The following GAS7 variants were observed in gnomAD, a reference collection of about 807,000 sequenced individuals.
The protein encoded by GAS7 is growth arrest-specific protein 7.
GAS7 carries 28 observed loss-of-function variants against 71.1 expected under a neutral mutation model. The ratio of observed to expected loss-of-function variants is 0.39; its 90% CI spans 0.29 to 0.54. The LOEUF (loss-of-function observed/expected upper bound fraction) is 0.54, where lower values mean the gene tolerates loss of function less well. GAS7 is among the 20% of genes least tolerant of loss of function. The pLI is 0.62. For missense variants in GAS7, 436 were observed against 627.8 expected (o/e 0.69, Z 3.27); for synonymous variants, 258 against 245.8 (o/e 1.05, Z -0.46).
chr17:10,139,245 A>T (rs182143475), intron 1 of GAS7, among the ~76,000 whole-genome samples: 1 of 152,362 alleles, frequency 6.6e-6, no homozygotes, highest in East Asian at 1.9e-4. Flanking sequence ...ACCAATTTTA[A>T]AACATAACTA....
chr17:10,179,747 T>C (rs188194124), intron 1 of GAS7, among the ~76,000 whole-genome samples: 36 of 152,130 alleles, frequency 2.4e-4, no homozygotes, highest in Admixed American at 1.5e-3. Flanking sequence ...AGAACCAAGA[T>C]TGAAACTGAC....
chr17:9,942,271 A>C (rs1379473421), intron 7 of GAS7, among the ~76,000 whole-genome samples: 1 of 152,024 alleles, frequency 6.6e-6, no homozygotes. Context: ...AAAAAAAAAG[A>C]AATATTTTAA....
At chr17:10,036,988 G>C (rs908350481) in intron 1 of GAS7, among the ~76,000 whole-genome samples, 1 of 152,178 alleles carries the variant, frequency 6.6e-6, no homozygotes, top group Admixed American at 6.5e-5. Flanking sequence ...CACAGCTCTG[G>C]TCCTGGCCCC....
At chr17:10,083,983 T>C (rs910515183) in intron 1 of GAS7, among the ~76,000 whole-genome samples, 1 of 152,162 alleles carries the variant, frequency 6.6e-6, no homozygotes, top group East Asian at 1.9e-4. Context: ...ATTTAAGCTG[T>C]CTTCGGCCTG....
intron 2 of GAS7, among the ~76,000 whole-genome samples, chr17:10,012,514 C>G (rs915286103): frequency 1.3e-5 from 2 of 152,042 alleles, no homozygotes; most frequent in Non-Finnish European, 2.9e-5. Flanking sequence ...TCTTGAGCTC[C>G]TGGGCTCAAG....
chr17:9,917,560 C>T (rs1210682028), intron 13 of GAS7, among the ~76,000 whole-genome samples: 2 of 152,190 alleles, frequency 1.3e-5, no homozygotes, highest in Non-Finnish European at 2.9e-5. Flanking sequence ...CCCTGCAGAC[C>T]CCAGGCCTGG....
At chr17:10,161,961 G>GGA (rs2074259665) in intron 1 of GAS7, among the ~76,000 whole-genome samples, 1 of 151,696 alleles carries the variant, frequency 6.6e-6, no homozygotes, top group Non-Finnish European at 1.5e-5. Flanking sequence ...CAGCTACTCA[G>GGA]GAGGCTGAGG....
chr17:10,196,183 G>T (rs1052493909), intron 1 of GAS7, among the ~76,000 whole-genome samples: 3 of 152,204 alleles, frequency 2.0e-5, no homozygotes, highest in Non-Finnish European at 2.9e-5. Flanking sequence ...GCATAGTTGA[G>T]CCCGGGCTAT....
chr17:9,924,626 C>T (rs567862076), intron 11 of GAS7: 3 of 148,626 alleles, frequency 2.0e-5, no homozygotes, highest in Non-Finnish European at 4.4e-5. Flanking sequence ...AAACGTTATC[C>T]TTCTATTACA....
At chr17:10,065,840 A>T (rs1256048226) in intron 1 of GAS7, among the ~76,000 whole-genome samples, 1 of 152,138 alleles carries the variant, frequency 6.6e-6, no homozygotes, top group East Asian at 1.9e-4. Context: ...CCTGGCTGGG[A>T]CCTCTGGGGC....
In GAS7 at chr17:10,026,038, T is replaced by A. The variant is rs2072451436; in HGVS notation, c.184-6141A>T. The A allele has an allele frequency of 3.3e-6, 1 of 306,178 alleles. No homozygotes were observed. The highest frequency in any genetic ancestry group is 1.3e-4 in the South Asian group (1 of 7,832). The allele number at this position is 306,178 out of a possible 1,614,324, so 19.0% of individuals were successfully genotyped here. On this transcript the variant is annotated intron_variant, in intron 1 of 13. Transcript: ENST00000432992. The surrounding 1 kb of genome is among the most constrained non-coding windows in gnomAD (Gnocchi z 4.5). Reference sequence around the variant, plus strand: ...CTCCAGGCAGTACAGACCCTGCTACTCCGCTCCCTACCGCTCCCACCATGC... The same window carrying A: ...CTCCAGGCAGTACAGACCCTGCTACACCGCTCCCTACCGCTCCCACCATGC...
intron 2 of GAS7, among the ~76,000 whole-genome samples, chr17:9,983,254 G>A (rs1161459040): frequency 6.6e-6 from 1 of 152,170 alleles, no homozygotes; most frequent in African/African-American, 2.4e-5. Context: ...CTTTTGGGAG[G>A]CTGAGGTGGG....
chr17:10,047,139 AG>A (rs2072987867), intron 1 of GAS7, among the ~76,000 whole-genome samples: 1 of 152,192 alleles, frequency 6.6e-6, no homozygotes, highest in African/African-American at 2.4e-5. Flanking sequence ...ACAAGAGAGC[AG>A]GAAGTGCAGG....
intron 2 of GAS7, among the ~76,000 whole-genome samples, chr17:10,001,985 T>C (rs2071284117): frequency 6.6e-6 from 1 of 152,114 alleles, no homozygotes; most frequent in South Asian, 2.1e-4. Flanking sequence ...TATTGAAATG[T>C]AGGGGACAGA....
intron 1 of GAS7, among the ~76,000 whole-genome samples, chr17:10,113,389 T>C (rs1432556669): frequency 6.6e-6 from 1 of 152,116 alleles, no homozygotes; most frequent in Middle Eastern, 3.2e-3. Context: ...TACGAGGCTA[T>C]CCACAGCAGC....
intron 2 of GAS7, among the ~76,000 whole-genome samples, chr17:9,996,338 A>C (rs989802686): frequency 1.3e-5 from 2 of 149,520 alleles, no homozygotes; most frequent in Non-Finnish European, 3.0e-5. Flanking sequence ...ACCAAACACC[A>C]CATGTTCTCA....
At chr17:9,983,181 A>T (rs1260786180) in intron 2 of GAS7, among the ~76,000 whole-genome samples, 1 of 152,090 alleles carries the variant, frequency 6.6e-6, no homozygotes, top group East Asian at 1.9e-4. Context: ...TTATGTATAA[A>T]TTTTTGTGAA....
At chr17:10,033,086 G>A (rs934399671) in intron 1 of GAS7, among the ~76,000 whole-genome samples, 9 of 152,046 alleles carry the variant, frequency 5.9e-5, no homozygotes, top group Admixed American at 1.3e-4. Context: ...TTTTCTCTTC[G>A]TCCTAAAGAT....
chr17:9,934,123 C>T (rs1425255135), intron 9 of GAS7, 43 bp downstream of exon 9: 1 of 1,227,982 alleles, frequency 8.1e-7, no homozygotes, highest in East Asian at 2.3e-5. Context: ...TTTAGTACCC[C>T]AGTGTGTAAG....
Sources: allele counts gnomAD v4.1 joint callset (sites outside exome capture counted in the v4.1 genomes callset), GRCh38; gene constraint gnomAD v4.1.1; non-coding constraint Gnocchi (gnomAD v3.1); transcripts MANE v1.5; gene names NCBI Gene and HGNC (gene_info 2026-07-23, HGNC 2026-07-21).